The following EPHA6 variants were observed in gnomAD, a reference collection of about 807,000 sequenced individuals.
The protein encoded by EPHA6 is ephrin type-A receptor 6.
Under a neutral mutation model 112.0 loss-of-function variants are expected in EPHA6, and 50 were observed. The ratio of observed to expected loss-of-function variants is 0.45; its 90% CI spans 0.36 to 0.56. EPHA6 has a LOEUF of 0.56. EPHA6 is among the 20% of genes least tolerant of loss of function. EPHA6 has a pLI of 0.00. For synonymous variants in EPHA6, 529 were observed against 490.7 expected (o/e 1.08, Z -1.03); for missense variants, 1,280 against 1,417.4 (o/e 0.90, Z 1.56).
rs554841482 is a variant in EPHA6, at chr3:96,983,478, C to G, written c.451-3852C>G. Among the ~76,000 whole-genome samples the G allele has an allele frequency of 6.6e-5, 10 of 152,236 alleles. No homozygotes were observed. The South Asian group carries it at 1.0e-3, about 16-fold the overall frequency. ...TAATGTGACCTTTCTCTCTGGCTGCCCTTAACATTTTTTCCTCCATTTCAA... is the reference window on the plus strand; with the variant it reads ...TAATGTGACCTTTCTCTCTGGCTGCGCTTAACATTTTTTCCTCCATTTCAA... On this transcript the variant is annotated intron_variant, in intron 2 of 17. Coordinates refer to ENST00000389672, the MANE Select transcript of EPHA6 (RefSeq NM_001080448.3).
intron 2 of EPHA6, among the ~76,000 whole-genome samples, chr3:96,958,425 CAT>C (rs1484953436): frequency 6.6e-6 from 1 of 152,132 alleles, no homozygotes; most frequent in Non-Finnish European, 1.5e-5. Flanking sequence ...TTACCTACCT[CAT>C]AGGATTTTTG....
chr3:97,160,659 G>T (rs1467181711), intron 3 of EPHA6, among the ~76,000 whole-genome samples: 1 of 152,054 alleles, frequency 6.6e-6, no homozygotes, highest in African/African-American at 2.4e-5. Context: ...CAATTTCCCT[G>T]TTATCTTCCT....
At chr3:97,463,005 T>C (rs2090938730) in intron 7 of EPHA6, among the ~76,000 whole-genome samples, 1 of 152,172 alleles carries the variant, frequency 6.6e-6, no homozygotes, top group South Asian at 2.1e-4. Flanking sequence ...CCCAAACATA[T>C]ATATAACTAA....
intron 2 of EPHA6, among the ~76,000 whole-genome samples, chr3:96,956,277 C>T (rs1445774581): frequency 1.3e-5 from 2 of 152,168 alleles, no homozygotes; most frequent in Non-Finnish European, 2.9e-5. Flanking sequence ...AGAGAAGGCA[C>T]TCATAAGGGA....
At chr3:96,986,050 G>C (rs2043010589) in intron 2 of EPHA6, among the ~76,000 whole-genome samples, 1 of 151,978 alleles carries the variant, frequency 6.6e-6, no homozygotes, top group South Asian at 2.1e-4. Flanking sequence ...ATGATGCCTA[G>C]CATGTTTTCC....
At chr3:97,658,012 G>A (rs534076565) in intron 14 of EPHA6, among the ~76,000 whole-genome samples, 1 of 151,774 alleles carries the variant, frequency 6.6e-6, no homozygotes, top group Non-Finnish European at 1.5e-5. Context: ...CAGTGGAAAG[G>A]GGGAGGAAAT....
chr3:97,677,678 G>A (rs966729831), intron 14 of EPHA6, among the ~76,000 whole-genome samples: 6 of 144,726 alleles, frequency 4.1e-5, no homozygotes, highest in African/African-American at 1.0e-4. Context: ...CCAAGACTGC[G>A]CCATTGCACT....
chr3:97,476,311 T>C (rs2091367730), intron 8 of EPHA6, among the ~76,000 whole-genome samples: 1 of 152,090 alleles, frequency 6.6e-6, no homozygotes, highest in South Asian at 2.1e-4. Flanking sequence ...AACAGATTTT[T>C]TATAATCAGA....
chr3:97,139,671 C>T (rs912175436), intron 3 of EPHA6, among the ~76,000 whole-genome samples: 1 of 152,116 alleles, frequency 6.6e-6, no homozygotes, highest in East Asian at 1.9e-4. Context: ...CTCCCACCCT[C>T]GGGGGGAAAC....
chr3:96,912,082 C>T (rs540694882), intron 2 of EPHA6, among the ~76,000 whole-genome samples: 225 of 152,096 alleles, frequency 1.5e-3, no homozygotes, highest in Non-Finnish European at 1.6e-3. Flanking sequence ...AGAAAAAAGA[C>T]AAGATTCACT....
chr3:96,867,658 C>G (rs1192983671), intron 2 of EPHA6, among the ~76,000 whole-genome samples: 1 of 151,686 alleles, frequency 6.6e-6, no homozygotes, highest in Non-Finnish European at 1.5e-5. Context: ...GTTAGCTTTC[C>G]TTTTTTTCCT....
intron 5 of EPHA6, among the ~76,000 whole-genome samples, chr3:97,402,980 G>A (rs1367492656): frequency 6.6e-6 from 1 of 152,014 alleles, no homozygotes; most frequent in Non-Finnish European, 1.5e-5. Flanking sequence ...ATTCTCACCT[G>A]TGATTGGTAC....
At chr3:96,843,255 A>G (rs1255698158) in intron 1 of EPHA6, among the ~76,000 whole-genome samples, 2 of 152,066 alleles carry the variant, frequency 1.3e-5, no homozygotes, top group Admixed American at 6.6e-5. Context: ...TACTTTACCT[A>G]TTAACTAAAG....
intron 3 of EPHA6, among the ~76,000 whole-genome samples, chr3:97,108,757 G>A (rs920636739): frequency 2.0e-5 from 3 of 152,168 alleles, no homozygotes; most frequent in African/African-American, 4.8e-5. Context: ...TTCTGGCACT[G>A]CTGTCATTCT....
At chr3:97,726,758 T>C (rs547415695) in intron 15 of EPHA6, among the ~76,000 whole-genome samples, 1 of 152,142 alleles carries the variant, frequency 6.6e-6, no homozygotes, top group African/African-American at 2.4e-5. Flanking sequence ...CTACACATGC[T>C]CCAAAGATGA....
chr3:96,854,581 A>T (rs936911924), intron 1 of EPHA6, among the ~76,000 whole-genome samples: 8 of 152,294 alleles, frequency 5.3e-5, no homozygotes, highest in African/African-American at 1.4e-4. Context: ...TTATACATAG[A>T]ACCTAGTGGA....
intron 2 of EPHA6, among the ~76,000 whole-genome samples, chr3:96,946,936 C>T (rs2041295198): frequency 6.6e-6 from 1 of 151,982 alleles, no homozygotes; most frequent in African/African-American, 2.4e-5. Context: ...TGATGATGAG[C>T]ATTTTTTCAT....
intron 1 of EPHA6, among the ~76,000 whole-genome samples, chr3:96,825,156 T>A (rs898866484): frequency 1.3e-5 from 2 of 151,976 alleles, no homozygotes; most frequent in Admixed American, 1.3e-4. Flanking sequence ...CTGAATTAGT[T>A]TTTATGCGTT....
intron 5 of EPHA6, among the ~76,000 whole-genome samples, chr3:97,259,233 A>G (rs1315414028): frequency 6.6e-6 from 1 of 152,194 alleles, no homozygotes; most frequent in Non-Finnish European, 1.5e-5. Context: ...TCAAGTTGGC[A>G]TTTGAAAAAA....
Sources: gnomAD v4.1 joint callset for allele counts (sites outside exome capture counted in the v4.1 genomes callset) on GRCh38, gnomAD v4.1.1 for gene constraint, MANE v1.5 for transcripts, NCBI Gene and HGNC (gene_info 2026-07-23, HGNC 2026-07-21) for gene names.